DLG5: variants seen among roughly 807,000 people sequenced by gnomAD.
DLG5 encodes the protein discs large MAGUK scaffold protein 5.
Under a neutral mutation model 189.8 loss-of-function variants are expected in DLG5, and 48 were observed. The ratio of observed to expected loss-of-function variants is 0.25; its 90% CI spans 0.20 to 0.32. DLG5 has a LOEUF of 0.32. DLG5 is among the 10% of genes least tolerant of loss of function. DLG5 has a pLI of 1.00. For missense variants in DLG5, 2,160 were observed against 2,544.7 expected (o/e 0.85, Z 3.25); for synonymous variants, 1,016 against 1,054.1 (o/e 0.96, Z 0.70).
intron 9 of DLG5, among the ~76,000 whole-genome samples, chr10:77,832,322 C>T (rs1231205930): frequency 1.3e-5 from 2 of 152,252 alleles, no homozygotes; most frequent in African/African-American, 4.8e-5. Context: ...GCCTGTGACA[C>T]CCTTCCTGAA....
intron 5 of DLG5, among the ~76,000 whole-genome samples, chr10:77,845,703 A>G (rs1432393793): frequency 6.6e-6 from 1 of 152,054 alleles, no homozygotes; most frequent in Non-Finnish European, 1.5e-5. Flanking sequence ...GGTTCATTTC[A>G]GGCTCATTCT....
chr10:77,928,280 A>G (rs552125520), upstream of DLG5: 9 of 152,218 alleles, frequency 5.9e-5, no homozygotes, highest in Non-Finnish European at 1.3e-4. Flanking sequence ...GAAGCTTTTG[A>G]CATGATCTCA....
rs377040461 is a variant in DLG5, at chr10:77,816,059, C to T, written c.4025+492G>A. 1.0e-4 allele frequency: 47 copies of T among 456,526 alleles called. 3 individuals carry two copies. The highest frequency in any genetic ancestry group is 8.3e-4 in the East Asian group (12 of 14,420). 28.3% of individuals were successfully genotyped at this position (456,526 alleles called of 1,614,324 possible). On this transcript the variant is annotated intron_variant, in intron 20 of 31. Transcript: ENST00000372391. ...TTCTTCCTGTGTATATTTTATTTCA[C>T]AACAGAAAGCTTCGAATGAGAGGGA...
intron 27 of DLG5, among the ~76,000 whole-genome samples, chr10:77,799,083 T>C (rs952677046): frequency 2.6e-5 from 4 of 152,208 alleles, no homozygotes; most frequent in African/African-American, 9.6e-5. Flanking sequence ...TCCCTGACAA[T>C]CTTCTTTGTC....
chr10:77,830,990 C>G (rs974512344), intron 9 of DLG5, 117 bp from the exon 10 acceptor site: 2 of 1,229,392 alleles, frequency 1.6e-6, no homozygotes, highest in Non-Finnish European at 2.2e-6. Context: ...GTTCCTTTCC[C>G]CCTTGTTTCC....
intron 26 of DLG5, 94 bp downstream of exon 26, chr10:77,806,656 TCCAGCAGC>T (rs1568123369): frequency 6.9e-7 from 1 of 1,442,518 alleles, no homozygotes; most frequent in African/African-American, 1.4e-5. Flanking sequence ...GAATCCCTCC[TCCAGCAGC>T]CCTGGCCCCA....
chr10:77,819,299 A>G (rs1383310244), intron 17 of DLG5, 22 bp downstream of exon 17: 7 of 1,613,520 alleles, frequency 4.3e-6, no homozygotes, highest in Non-Finnish European at 5.9e-6. Flanking sequence ...AGTACAGAGA[A>G]GCGTAGGGTG....
chr10:77,811,977 G>T lies in DLG5; in HGVS notation c.4269C>A (p.Ile1423=). 1 of 1,610,630 alleles carries T rather than the reference G, an allele frequency of 6.2e-7. No individual in the cohort carries two copies. The highest frequency in any genetic ancestry group is 8.5e-7 in the Non-Finnish European group (1 of 1,179,996). The change falls in exon 22 of 32, where the codon ATC becomes ATA. Residue 1423 remains isoleucine (I), a synonymous_variant. Transcript: ENST00000372391. ...GCACGTGGGGGTTGTACTGGGCCAG[G>T]ATGGTGATGGTATCACACTGCTGCC... The part of the protein sequence containing the change: ...IIGQQCDTIT[I]LAQYNPHVHQ...
At chr10:77,841,406 C>T (rs1843408565) in intron 7 of DLG5, among the ~76,000 whole-genome samples, 1 of 152,162 alleles carries the variant, frequency 6.6e-6, no homozygotes, top group Non-Finnish European at 1.5e-5. Flanking sequence ...CCAGCAGGAG[C>T]CTGAAATACT....
chr10:77,813,111 G>A (rs1233554522), intron 20 of DLG5, among the ~76,000 whole-genome samples: 1 of 152,250 alleles, frequency 6.6e-6, no homozygotes, highest in African/African-American at 2.4e-5. Flanking sequence ...AGAGGAGAAA[G>A]ACAATCAGAG....
At chr10:77,909,090 C>A (rs763469718) in intron 1 of DLG5, among the ~76,000 whole-genome samples, 2 of 152,114 alleles carry the variant, frequency 1.3e-5, no homozygotes, top group Admixed American at 6.6e-5. Context: ...AGCACTTAGC[C>A]GAGCCTGGTA....
intron 1 of DLG5, among the ~76,000 whole-genome samples, chr10:77,912,776 T>C (rs1846260725): frequency 6.6e-6 from 1 of 152,208 alleles, no homozygotes; most frequent in Non-Finnish European, 1.5e-5. Context: ...ATCTGCAGCC[T>C]CTGGCTCCAG....
rs952414041 is a variant in DLG5 at position 77,853,874 on chromosome 10, C to G, written c.681-337G>C. ...GCAGGCAAAGACCCTCAGAGGGATGCTGGGAGACCAAAGGGAAACACCCCT... is the reference window on the plus strand; with the variant it reads ...GCAGGCAAAGACCCTCAGAGGGATGGTGGGAGACCAAAGGGAAACACCCCT... On this transcript the variant is annotated intron_variant, in intron 4 of 31. Transcript: ENST00000372391. Among the ~76,000 whole-genome samples the G allele has an allele frequency of 7.9e-5, 12 of 152,168 alleles. No homozygotes were observed. The East Asian group carries it at 2.3e-3, about 29-fold the overall frequency.
At chr10:77,793,533 G>GT (rs1268319642) in intron 31 of DLG5, 18 of 149,388 alleles carry the variant, frequency 1.2e-4, no homozygotes, top group South Asian at 2.1e-4. Context: ...GGACAGCATT[G>GT]TTTTTTTTTG....
chr10:77,910,987 GAAAAAAAAA>G lies in DLG5; in HGVS notation c.304+15221_304+15229del, dbSNP rs55832630. 9.5e-5 allele frequency among the ~76,000 whole-genome samples: 8 copies of G among 84,268 alleles called. No individual in the cohort carries two copies. In the East Asian group the frequency reaches 1.5e-3, roughly 16 times the overall value. The allele number at this position is 84,268 out of a possible 152,430, so 55.3% of individuals were successfully genotyped here. A position where few individuals can be genotyped will look rare whatever the true frequency, so the allele number is the denominator to read the frequency against. Reference sequence around the variant, plus strand: ...TGACAGAGCGAGATTCTGTCTGAAGGAAAAAAAAAAAAAAAAAAAAAACATAAACAGGAA... The same window carrying G: ...TGACAGAGCGAGATTCTGTCTGAAGGAAAAAAAAAAAAACATAAACAGGAA... On this transcript the variant is annotated intron_variant, in intron 1 of 31. Transcript: ENST00000372391.
chr10:77,794,242 C>T, intron 30 of DLG5, 125 bp from the exon 31 acceptor site: 1 of 768,276 alleles, frequency 1.3e-6, no homozygotes, highest in Non-Finnish European at 2.2e-6. Context: ...GCCCCATGTG[C>T]TCCCCACATA....
In DLG5 at chr10:77,802,261, C is replaced by T. The variant is rs144178716; in HGVS notation, c.5164+3404G>A. On this transcript the variant is annotated intron_variant, in intron 27 of 31. Coordinates refer to ENST00000372391, the MANE Select transcript of DLG5 (RefSeq NM_004747.4). ...GTACAGCGGCCACAGGAAACTACTACACAAAGAGAGCCAGGGACCAGGAAT... is the reference window on the plus strand; with the variant it reads ...GTACAGCGGCCACAGGAAACTACTATACAAAGAGAGCCAGGGACCAGGAAT... 8.1e-4 allele frequency among the ~76,000 whole-genome samples: 124 copies of T among 152,304 alleles called. 1 individual carries two copies. The highest frequency in any genetic ancestry group is 2.7e-3 in the African/African-American group (112 of 41,546).
In DLG5 at chr10:77,926,303, G is replaced by A. The variant is rs1454743634; in HGVS notation, c.218C>T (p.Ala73Val). 6 of 1,597,360 alleles carry A rather than the reference G, an allele frequency of 3.8e-6. No homozygotes were observed. The highest frequency in any genetic ancestry group is 5.1e-6 in the Non-Finnish European group (6 of 1,173,472). Residue 73 changes from alanine to valine, a missense_variant, in exon 1 of 32, where the codon GCG becomes GTG. This residue lies in a region of DLG5 where 664 missense variants were observed against 838.5 expected (regional missense o/e 0.79). Coordinates refer to ENST00000372391, the MANE Select transcript of DLG5 (RefSeq NM_004747.4). This position sits in a 1 kb window ranked among gnomAD's most constrained non-coding sequence, Gnocchi z 5.2. Reference protein sequence around the residue: ...KERDHFQDLRAALEKTQPHLL... With the variant: ...KERDHFQDLRVALEKTQPHLL... Reference sequence around the variant, plus strand: ...GTGAGGCTGCGTCTTCTCCAGCGCCGCCCGCAGGTCCTGGAAGTGGTCCCG... The same window carrying A: ...GTGAGGCTGCGTCTTCTCCAGCGCCACCCGCAGGTCCTGGAAGTGGTCCCG...
chr10:77,923,883 GAGA>G lies in DLG5; in HGVS notation c.304+2331_304+2333del, dbSNP rs1053270987. Among the ~76,000 whole-genome samples the G allele has an allele frequency of 3.1e-4, 47 of 150,324 alleles. 1 individual carries two copies. Among genetic ancestry groups the G allele is most frequent in the African/African-American group, 1.2e-3 (47 of 40,774 alleles). ...CTAACTTTTTTCTTTCTTTTTTTTT[GAGA>G]AGGAGTCTTGCTCTGTCACCTAGGC... On this transcript the variant is annotated intron_variant, in intron 1 of 31. Transcript: ENST00000372391.
Sources: gnomAD v4.1 joint callset for allele counts (sites outside exome capture counted in the v4.1 genomes callset) on GRCh38, gnomAD v4.1.1 for gene constraint, gnomAD v4.1.1 regional missense constraint, Gnocchi (gnomAD v3.1) non-coding constraint, MANE v1.5 for transcripts, NCBI Gene and HGNC (gene_info 2026-07-23, HGNC 2026-07-21) for gene names.